The following PAPPA2 variants were observed in gnomAD, a reference collection of about 807,000 sequenced individuals.
PAPPA2 encodes pappalysin 2, also known as pappalysin-2.
PAPPA2 carries 86 observed loss-of-function variants against 176.4 expected under a neutral mutation model. The ratio of observed to expected loss-of-function variants is 0.49; its 90% CI spans 0.41 to 0.58. PAPPA2 has a LOEUF of 0.58. Ranked by LOEUF, PAPPA2 falls within the 20% of genes least tolerant of loss-of-function variation. The pLI is 0.00. For missense variants in PAPPA2, 2,073 were observed against 2,256.9 expected (o/e 0.92, Z 1.65); for synonymous variants, 809 against 852.2 (o/e 0.95, Z 0.88).
intron 3 of PAPPA2, among the ~76,000 whole-genome samples, chr1:176,599,095 A>C (rs1462887938): frequency 6.6e-6 from 1 of 152,002 alleles, no homozygotes; most frequent in East Asian, 1.9e-4. Flanking sequence ...AAATTCATTA[A>C]TTACTTCTAG....
intron 3 of PAPPA2, among the ~76,000 whole-genome samples, chr1:176,609,560 G>A (rs1236573016): frequency 6.6e-6 from 1 of 152,226 alleles, no homozygotes; most frequent in African/African-American, 2.4e-5. Context: ...GCAAGGGAGT[G>A]AGCCACGTGG....
At position 176,581,529 on chromosome 1, in the gene PAPPA2, T is replaced by C. The variant is rs1652958838; in HGVS notation, c.920-12995T>C. On this transcript the variant is annotated intron_variant, in intron 2 of 22. Coordinates refer to ENST00000367662, the MANE Select transcript of PAPPA2 (RefSeq NM_020318.3). The stretch of plus-strand genomic sequence containing the variant: ...CATTGGTATTTTGATAGGGGTTGCA[T>C]TGATATGTAGATTGCTTTTGTTAGC... 5.9e-5 allele frequency among the ~76,000 whole-genome samples: 9 copies of C among 152,196 alleles called. No individual in the cohort carries two copies. The South Asian group carries it at 1.9e-3, about 31-fold the overall frequency.
At chr1:176,739,355 G>T (rs1378042077) in intron 12 of PAPPA2, among the ~76,000 whole-genome samples, 1 of 151,814 alleles carries the variant, frequency 6.6e-6, no homozygotes, top group Non-Finnish European at 1.5e-5. Flanking sequence ...AGAAAGACAG[G>T]GTCAAGTAAA....
intron 17 of PAPPA2, among the ~76,000 whole-genome samples, chr1:176,774,718 A>G (rs1664377267): frequency 1.3e-5 from 2 of 152,060 alleles, no homozygotes; most frequent in Admixed American, 6.5e-5. Context: ...CAATTATGTT[A>G]TTTCCCCACA....
intron 2 of PAPPA2, among the ~76,000 whole-genome samples, chr1:176,576,474 GGTGT>G (rs10583497): frequency 0.8 from 119,798 of 150,078 alleles, 47,973 homozygotes; most frequent in East Asian, 0.93. Context: ...ACGTCAATGG[GGTGT>G]GTGTGTGTGT....
intron 1 of PAPPA2, among the ~76,000 whole-genome samples, chr1:176,531,970 G>T (rs747393048): frequency 2.0e-5 from 3 of 152,154 alleles, no homozygotes; most frequent in Admixed American, 2.0e-4. Flanking sequence ...TGTAAGGGCT[G>T]CCTGGGGCTC....
At chr1:176,649,390 TTTTG>T (rs1657586215) in intron 3 of PAPPA2, among the ~76,000 whole-genome samples, 1 of 149,374 alleles carries the variant, frequency 6.7e-6, no homozygotes, top group African/African-American at 2.5e-5. Context: ...TTTGTTTTTT[TTTTG>T]TTTTTCTTTT....
At chr1:176,780,977 G>A (rs181667926) in intron 17 of PAPPA2, among the ~76,000 whole-genome samples, 6 of 152,256 alleles carry the variant, frequency 3.9e-5, no homozygotes, top group East Asian at 1.9e-4. Context: ...GAAACCTCAT[G>A]TTGTTTTTAG....
At chr1:176,500,501 TTTA>T (rs1355008252) in intron 1 of PAPPA2, among the ~76,000 whole-genome samples, 1 of 148,174 alleles carries the variant, frequency 6.7e-6, no homozygotes, top group Non-Finnish European at 1.5e-5. Flanking sequence ...TTATATATAA[TTTA>T]TTTATACATT....
At chr1:176,493,124 T>C (rs1457772824) in intron 1 of PAPPA2, among the ~76,000 whole-genome samples, 2 of 152,200 alleles carry the variant, frequency 1.3e-5, no homozygotes, top group Non-Finnish European at 2.9e-5. Flanking sequence ...TTTCTCCTAC[T>C]GCAATGTGAT....
At chr1:176,601,110 G>T (rs55782130) in intron 3 of PAPPA2, among the ~76,000 whole-genome samples, 1 of 152,076 alleles carries the variant, frequency 6.6e-6, no homozygotes, top group African/African-American at 2.4e-5. Context: ...CTCTGCCCTC[G>T]TGAATGGATT....
intron 21 of PAPPA2, 117 bp from the exon 22 acceptor site, chr1:176,840,056 G>A: frequency 2.6e-6 from 2 of 776,784 alleles, no homozygotes; most frequent in Non-Finnish European, 2.1e-6. Context: ...TGCACCTTGG[G>A]TGCTTTTCTG....
intron 12 of PAPPA2, among the ~76,000 whole-genome samples, chr1:176,730,703 G>A (rs1571239923): frequency 1.3e-5 from 2 of 151,038 alleles, no homozygotes; most frequent in African/African-American, 2.4e-5. Flanking sequence ...TTTTGGTGTT[G>A]AAATGTTTGG....
intron 4 of PAPPA2, among the ~76,000 whole-genome samples, chr1:176,679,233 A>G (rs1659460344): frequency 6.6e-6 from 1 of 152,090 alleles, no homozygotes; most frequent in Non-Finnish European, 1.5e-5. Flanking sequence ...GACGTTCTCT[A>G]TGGTCACGTA....
Position 176,638,939 on chromosome 1 carries a change from C to CCT in PAPPA2, c.1992-32031_1992-32030insCT, listed in dbSNP as rs1553379103. Among the ~76,000 whole-genome samples the CCT allele has an allele frequency of 5.2e-3, 742 of 143,126 alleles. 5 individuals carry two copies. Among genetic ancestry groups the CCT allele is most frequent in the Non-Finnish European group, 8.9e-3 (579 of 64,928 alleles). The allele number at this position is 143,126 out of a possible 152,430, so 93.9% of individuals were successfully genotyped here. On this transcript the variant is annotated intron_variant, in intron 3 of 22. Transcript: ENST00000367662. The stretch of plus-strand genomic sequence containing the variant: ...GTGTGTGTGTGTGCATGTGCATGTG[C>CCT]GTGTGTGTGTGTGTGTGTGTGTGTG...
At chr1:176,779,472 C>T (rs1007031574) in intron 17 of PAPPA2, among the ~76,000 whole-genome samples, 1 of 135,690 alleles carries the variant, frequency 7.4e-6, no homozygotes, top group Non-Finnish European at 1.6e-5. Context: ...ACATTCCATA[C>T]TCATCACACA....
At chr1:176,622,898 G>A (rs1190781860) in intron 3 of PAPPA2, among the ~76,000 whole-genome samples, 2 of 152,148 alleles carry the variant, frequency 1.3e-5, no homozygotes, top group African/African-American at 4.8e-5. Flanking sequence ...AGATCAAAGT[G>A]CCAGCGAATT....
intron 3 of PAPPA2, among the ~76,000 whole-genome samples, chr1:176,625,839 G>A (rs1655976111): frequency 6.6e-6 from 1 of 151,904 alleles, no homozygotes; most frequent in African/African-American, 2.4e-5. Context: ...TGGGCAACAT[G>A]GCAAGATCCC....
chr1:176,573,963 ATTTT>A (rs34398958), intron 2 of PAPPA2, among the ~76,000 whole-genome samples: 3 of 149,362 alleles, frequency 2.0e-5, no homozygotes, highest in African/African-American at 7.4e-5. Context: ...TAATAAATGG[ATTTT>A]TTTTTTTAAT....
Sources: gnomAD v4.1 joint callset for allele counts (sites outside exome capture counted in the v4.1 genomes callset) on GRCh38, gnomAD v4.1.1 for gene constraint, MANE v1.5 for transcripts, NCBI Gene and HGNC (gene_info 2026-07-23, HGNC 2026-07-21) for gene names.